The following MYLK variants were observed in gnomAD, a reference collection of about 807,000 sequenced individuals.
MYLK encodes myosin light chain kinase, smooth muscle.
A neutral mutation model predicts 203.4 loss-of-function variants in MYLK; 106 were observed. The ratio of observed to expected loss-of-function variants is 0.52; its 90% confidence interval spans 0.45 to 0.61. The LOEUF is 0.61. MYLK is among the 20% of genes least tolerant of loss of function. The pLI is 0.00. For synonymous variants in MYLK, 867 were observed against 959.5 expected (o/e 0.90, Z 1.78); for missense variants, 2,072 against 2,442.3 (o/e 0.85, Z 3.20).
intron 19 of MYLK, among the ~76,000 whole-genome samples, chr3:123,687,596 C>T (rs965616426): frequency 4.6e-5 from 7 of 151,550 alleles, no homozygotes; most frequent in Non-Finnish European, 2.9e-5. Flanking sequence ...TTCTTCCTTC[C>T]TTCCTTCCTT....
intron 13 of MYLK, among the ~76,000 whole-genome samples, chr3:123,714,584 T>C (rs2061829035): frequency 6.6e-6 from 1 of 152,154 alleles, no homozygotes; most frequent in Non-Finnish European, 1.5e-5. Context: ...GTGACAGACT[T>C]GCCCAGCTCA....
chr3:123,858,955 C>A (rs1257456861), intron 2 of MYLK, among the ~76,000 whole-genome samples: 1 of 151,986 alleles, frequency 6.6e-6, no homozygotes, highest in African/African-American at 2.4e-5. Flanking sequence ...ACCGGTTATG[C>A]CCATTGTATT....
At chr3:123,842,754 C>T (rs1445459761) in intron 2 of MYLK, among the ~76,000 whole-genome samples, 5 of 152,200 alleles carry the variant, frequency 3.3e-5, no homozygotes, top group African/African-American at 1.2e-4. Flanking sequence ...TTATGCAACA[C>T]ATTTGTATTA....
At chr3:123,692,928 T>G in intron 18 of MYLK, 77 bp from the exon 19 acceptor site, 1 of 1,281,720 alleles carries the variant, frequency 7.8e-7, no homozygotes, top group Middle Eastern at 2.0e-4. Context: ...AGCAGGTGAG[T>G]GTTACTCGCA....
At chr3:123,663,993 A>C in intron 23 of MYLK, 112 bp downstream of exon 23, 2 of 1,461,686 alleles carry the variant, frequency 1.4e-6, no homozygotes, top group South Asian at 1.1e-5. Flanking sequence ...AATCAGGCAC[A>C]GGAGTGGTGA....
intron 4 of MYLK, among the ~76,000 whole-genome samples, chr3:123,777,518 C>A (rs771586538): frequency 6.6e-6 from 1 of 152,190 alleles, no homozygotes; most frequent in Non-Finnish European, 1.5e-5. Context: ...TGCCACAGCT[C>A]GAGTCTTGCG....
At chr3:123,780,801 G>A (rs79340350) in intron 4 of MYLK, among the ~76,000 whole-genome samples, 9,242 of 152,194 alleles carry the variant, frequency 0.061, 915 homozygotes, top group African/African-American at 0.21. Context: ...ACCACGGGCC[G>A]GGCACTGTCC....
At chr3:123,813,307 G>T (rs1198366783) in intron 3 of MYLK, among the ~76,000 whole-genome samples, 2 of 152,188 alleles carry the variant, frequency 1.3e-5, no homozygotes, top group Non-Finnish European at 2.9e-5. Flanking sequence ...TGGGATGGGG[G>T]AGGAAGACTG....
chr3:123,736,958 C>T (rs571489548), intron 8 of MYLK, among the ~76,000 whole-genome samples: 20 of 151,746 alleles, frequency 1.3e-4, no homozygotes, highest in African/African-American at 4.4e-4. Flanking sequence ...TGTGGCCGGG[C>T]GTGGTGGCTC....
intron 13 of MYLK, among the ~76,000 whole-genome samples, chr3:123,720,147 G>A (rs1165299149): frequency 6.6e-5 from 10 of 152,158 alleles, no homozygotes; most frequent in Non-Finnish European, 1.2e-4. Context: ...CCTCTTCTCC[G>A]AGCAAATCCA....
At chr3:123,739,128 C>A (rs2062778599) in intron 6 of MYLK, 66 bp from the exon 7 acceptor site, 2 of 1,565,622 alleles carry the variant, frequency 1.3e-6, no homozygotes, top group Non-Finnish European at 8.8e-7. Flanking sequence ...CTCTCTCCAC[C>A]TCACTCAAAG....
chr3:123,703,399 C>T (rs547434686), intron 16 of MYLK, among the ~76,000 whole-genome samples: 11 of 152,288 alleles, frequency 7.2e-5, no homozygotes, highest in Non-Finnish European at 1.3e-4. Context: ...GCCTTCCTGA[C>T]TGCCTTAGCT....
At chr3:123,623,625 A>C (rs1014287675) in intron 31 of MYLK, 1 of 152,158 alleles carries the variant, frequency 6.6e-6, no homozygotes, top group African/African-American at 2.4e-5. Context: ...AGCTGCAGAG[A>C]GTTCTGGGCC....
chr3:123,666,882 T>C, intron 21 of MYLK: 1 of 605,822 alleles, frequency 1.7e-6, no homozygotes, highest in Non-Finnish European at 2.9e-6. Context: ...GAGCTGCTAG[T>C]CCTGTATGAT....
At chr3:123,768,424 C>A (rs752787784) in intron 4 of MYLK, among the ~76,000 whole-genome samples, 1 of 152,170 alleles carries the variant, frequency 6.6e-6, no homozygotes, top group African/African-American at 2.4e-5. Context: ...AGCTATGTCA[C>A]CTGAAGGGAA....
chr3:123,738,795 C>G lies in MYLK; in HGVS notation c.588+102G>C. 6.1e-6 allele frequency: 9 copies of G among 1,471,850 alleles called. No individual in the cohort carries two copies. In the South Asian group the frequency reaches 1.1e-4, roughly 18 times the overall value. The allele number at this position is 1,471,850 out of a possible 1,614,324, so 91.2% of individuals were successfully genotyped here. On this transcript the variant is annotated intron_variant, in intron 7 of 33. Transcript: ENST00000360304. ...CATGTGGAACGGTGAGTCCATTAAA[C>G]CTCTTTCCTTCATAAATTACCCAGT... is the stretch of plus-strand genomic sequence containing the variant.
intron 13 of MYLK, among the ~76,000 whole-genome samples, chr3:123,716,880 T>C (rs1189171085): frequency 6.6e-6 from 1 of 152,094 alleles, no homozygotes; most frequent in African/African-American, 2.4e-5. Flanking sequence ...ATGTATATGC[T>C]CAGAAGTCTT....
At chr3:123,851,023 T>C (rs931603814) in intron 2 of MYLK, among the ~76,000 whole-genome samples, 1 of 152,280 alleles carries the variant, frequency 6.6e-6, no homozygotes, top group Non-Finnish European at 1.5e-5. Flanking sequence ...ATTTCTGGTT[T>C]TTGTCAGTTT....
chr3:123,800,911 T>G (rs2065173743), intron 3 of MYLK, among the ~76,000 whole-genome samples: 1 of 152,220 alleles, frequency 6.6e-6, no homozygotes, highest in African/African-American at 2.4e-5. Flanking sequence ...GAGCTTTTGT[T>G]TGTGAGTTAC....
Sources: allele counts gnomAD v4.1 joint callset (sites outside exome capture counted in the v4.1 genomes callset), GRCh38; gene constraint gnomAD v4.1.1; transcripts MANE v1.5; gene names NCBI Gene and HGNC (gene_info 2026-07-23, HGNC 2026-07-21).